TNFRSF6B: variants seen among roughly 807,000 people sequenced by gnomAD.
TNFRSF6B encodes the protein TNF receptor superfamily member 6b.
TNFRSF6B carries 23 observed loss-of-function variants against 17.9 expected under a neutral mutation model. The observed-to-expected ratio is 1.28, with a 90% confidence interval of 0.92 to 1.82. TNFRSF6B has a LOEUF of 1.82. TNFRSF6B is among the 40% of genes most tolerant of loss of function. The probability of loss-of-function intolerance (pLI) is 0.00; values close to 1 mark genes in which losing one functional copy is unlikely to be tolerated. For missense variants in TNFRSF6B, 555 were observed against 437.2 expected (o/e 1.27, Z -2.40); for synonymous variants, 291 against 195.8 (o/e 1.49, Z -4.06).
Position 63,697,376 on chromosome 20 carries a change from T to C in TNFRSF6B, c.473T>C (p.Phe158Ser). 1.2e-6 allele frequency: 2 copies of C among 1,612,114 alleles called. No homozygotes were observed. Among genetic ancestry groups the C allele is most frequent in the Non-Finnish European group, 1.7e-6 (2 of 1,179,718 alleles). Residue 158 changes from phenylalanine to serine, a missense_variant, in exon 2 of 3, where the codon TTC (phenylalanine) becomes TCC (serine). By Grantham distance (155) the Phe-to-Ser change is radical. Coordinates refer to ENST00000369996, the MANE Select transcript of TNFRSF6B (RefSeq NM_003823.4). ...TGCCAGCCGTGCCCCCCAGGCACCTTCTCAGCCAGCAGCTCCAGCTCAGAG... is the reference window on the plus strand; with the variant it reads ...TGCCAGCCGTGCCCCCCAGGCACCTCCTCAGCCAGCAGCTCCAGCTCAGAG... The part of the protein sequence containing the change: ...TQCQPCPPGT[F>S]SASSSSSEQC...
intron 2 of TNFRSF6B, among the ~76,000 whole-genome samples, 168 bp downstream of exon 2, chr20:63,697,690 G>C (rs1057233096): frequency 5.3e-5 from 8 of 152,140 alleles, no homozygotes; most frequent in African/African-American, 1.4e-4. Flanking sequence ...CACCAAGTCT[G>C]CCCTCTCAGG....
At chr20:63,697,212 G>A (rs2091001108) in intron 1 of TNFRSF6B, 21 bp downstream of exon 1, 2 of 1,551,826 alleles carry the variant, frequency 1.3e-6, no homozygotes, top group Non-Finnish European at 1.7e-6. Context: ...GGCGAGGGGA[G>A]GGGCCCCCAG....
chr20:63,697,117 C>G lies in TNFRSF6B; in HGVS notation c.350C>G (p.Thr117Ser). The change falls in exon 1 of 3, where the codon ACC becomes AGC. Residue 117 changes from threonine (T) to serine (S), a missense_variant. Transcript: ENST00000369996. ...CACAACCGTGCCTGCCGCTGCCGCACCGGCTTCTTCGCGCACGCTGGTTTC... is the reference window on the plus strand; with the variant it reads ...CACAACCGTGCCTGCCGCTGCCGCAGCGGCTTCTTCGCGCACGCTGGTTTC... ...ATHNRACRCRTGFFAHAGFCL... is the reference protein window; with the variant it reads ...ATHNRACRCRSGFFAHAGFCL... The G allele has an allele frequency of 6.3e-7, 1 of 1,598,090 alleles. No individual in the cohort carries two copies. The highest frequency in any genetic ancestry group is 8.5e-7 in the Non-Finnish European group (1 of 1,174,948).
In TNFRSF6B at chr20:63,696,889, CAG is replaced by C; in HGVS notation, c.126_127del (p.Glu42AspfsTer57). On this transcript the variant is annotated frameshift_variant, in exon 1 of 3. Transcript: ENST00000369996. LOFTEE classifies it high-confidence loss of function. Reference sequence around the variant, plus strand: ...ACACCCACCTACCCCTGGCGGGACGCAGAGACAGGGGAGCGGCTGGTGTGCGC... The same window carrying C: ...ACACCCACCTACCCCTGGCGGGACGCAGACAGGGGAGCGGCTGGTGTGCGC... 1 of 1,611,822 alleles carries C rather than the reference CAG, an allele frequency of 6.2e-7. No homozygotes were observed. Among genetic ancestry groups the C allele is most frequent in the East Asian group, 2.2e-5 (1 of 44,856 alleles).
Position 63,696,906 on chromosome 20 carries a change from C to G in TNFRSF6B, c.139C>G (p.Leu47Val). The G allele has an allele frequency of 1.2e-6, 2 of 1,611,022 alleles. No homozygotes were observed. The highest frequency in any genetic ancestry group is 1.7e-6 in the Non-Finnish European group (2 of 1,179,254). ...GCGGGACGCAGAGACAGGGGAGCGGCTGGTGTGCGCCCAGTGCCCCCCAGG... is the reference window on the plus strand; with the variant it reads ...GCGGGACGCAGAGACAGGGGAGCGGGTGGTGTGCGCCCAGTGCCCCCCAGG... ...PWRDAETGER[L>V]VCAQCPPGTF... is the part of the protein sequence containing the mutation. Residue 47 changes from leucine (L) to valine (V), a missense_variant, in exon 1 of 3, where the codon CTG becomes GTG. Leu to Val is a conservative substitution (Grantham distance 32, BLOSUM62 1). Coordinates refer to ENST00000369996, the MANE Select transcript of TNFRSF6B (RefSeq NM_003823.4).
At chr20:63,698,198 C>T in intron 2 of TNFRSF6B, 82 bp from the exon 3 acceptor site, 2 of 1,538,508 alleles carry the variant, frequency 1.3e-6, no homozygotes. Context: ...CCGAGTGGGG[C>T]CCAGAAAGCA....
rs1177269081 is a variant in TNFRSF6B at position 63,697,318 on chromosome 20, C to T, written c.425-10C>T. 1.2e-6 allele frequency: 2 copies of T among 1,605,636 alleles called. No individual in the cohort carries two copies. Among genetic ancestry groups the T allele is most frequent in the Admixed American group, 1.7e-5 (1 of 58,660 alleles). On this transcript the variant is annotated splice_polypyrimidine_tract_variant and intron_variant, in intron 1 of 2. Coordinates refer to ENST00000369996, the MANE Select transcript of TNFRSF6B (RefSeq NM_003823.4). The stretch of plus-strand genomic sequence containing the variant: ...GTTCCCCTGACCCTGTTCTTCCCTC[C>T]TGGCTGCAGGCACCCCCAGCCAGAA...
At position 63,698,419 on chromosome 20, in the gene TNFRSF6B, G is replaced by C. The variant is rs749673648; in HGVS notation, c.759G>C (p.Leu253Phe). 1 of 1,586,648 alleles carries C rather than the reference G, an allele frequency of 6.3e-7. No individual in the cohort carries two copies. Among genetic ancestry groups the C allele is most frequent in the South Asian group, 1.1e-5 (1 of 88,598 alleles). Residue 253 changes from leucine (L) to phenylalanine (F), a missense_variant, in exon 3 of 3, where the codon TTG becomes TTC. Coordinates refer to ENST00000369996, the MANE Select transcript of TNFRSF6B (RefSeq NM_003823.4). ...CACCAAGGGCGGGCCGCGCGGCCTTGCAGCTGAAGCTGCGTCGGCGGCTCA... is the reference window on the plus strand; with the variant it reads ...CACCAAGGGCGGGCCGCGCGGCCTTCCAGCTGAAGCTGCGTCGGCGGCTCA... ...GPTPRAGRAALQLKLRRRLTE... is the reference protein window; with the variant it reads ...GPTPRAGRAAFQLKLRRRLTE...
intron 2 of TNFRSF6B, among the ~76,000 whole-genome samples, chr20:63,697,761 T>C (rs531986329): frequency 6.6e-6 from 1 of 152,118 alleles, no homozygotes; most frequent in Non-Finnish European, 1.5e-5. Flanking sequence ...TCTGGGAAAG[T>C]GGGCAGCAAT....
In TNFRSF6B at chr20:63,698,567, T is replaced by C. The variant is rs1360304338; in HGVS notation, c.*4T>C. On this transcript the variant is annotated 3_prime_UTR_variant, in exon 3 of 3. Coordinates refer to ENST00000369996, the MANE Select transcript of TNFRSF6B (RefSeq NM_003823.4). Reference sequence around the variant, plus strand: ...GCGCTTCCTCCCTGTGCACTGATCCTGGCCCCCTCTTATTTATTCTACATC... The same window carrying C: ...GCGCTTCCTCCCTGTGCACTGATCCCGGCCCCCTCTTATTTATTCTACATC... 4 of 1,485,594 alleles carry C rather than the reference T, an allele frequency of 2.7e-6. No homozygotes were observed. The highest frequency in any genetic ancestry group is 2.6e-5 in the Admixed American group (1 of 37,826). The allele number at this position is 1,485,594 out of a possible 1,614,324, so 92.0% of individuals were successfully genotyped here.
Position 63,696,653 on chromosome 20 carries a change from G to A in TNFRSF6B, c.-115G>A, listed in dbSNP as rs2090986859. 1.6e-6 allele frequency: 2 copies of A among 1,215,984 alleles called. No individual in the cohort carries two copies. Among genetic ancestry groups the A allele is most frequent in the Non-Finnish European group, 2.2e-6 (2 of 899,616 alleles). The allele number at this position is 1,215,984 out of a possible 1,614,324, so 75.3% of individuals were successfully genotyped here. On this transcript the variant is annotated 5_prime_UTR_variant, in exon 1 of 3. Coordinates refer to ENST00000369996, the MANE Select transcript of TNFRSF6B (RefSeq NM_003823.4). The stretch of plus-strand genomic sequence containing the variant: ...AGGGCAGCAGCAGGATGGGCTTCTG[G>A]ACTTGGGCGGCCCCTCCGCAGGCGG...
Position 63,696,737 on chromosome 20 carries a change from G to T in TNFRSF6B, c.-31G>T. The T allele has an allele frequency of 6.6e-7, 1 of 1,524,208 alleles. No individual in the cohort carries two copies. The highest frequency in any genetic ancestry group is 8.8e-7 in the Non-Finnish European group (1 of 1,136,018). The allele number at this position is 1,524,208 out of a possible 1,614,324, so 94.4% of individuals were successfully genotyped here. ...CACAGCAGGGTCCTGTGTCCGCGCT[G>T]AGCCGCGCTCTCCCTGCTCCAGCAA... On this transcript the variant is annotated 5_prime_UTR_variant, in exon 1 of 3. The change abolishes the stop of an existing upstream ORF in the 5' untranslated region. Coordinates refer to ENST00000369996, the MANE Select transcript of TNFRSF6B (RefSeq NM_003823.4).
At position 63,697,075 on chromosome 20, in the gene TNFRSF6B, G is replaced by T. The variant is rs140998392; in HGVS notation, c.308G>T (p.Arg103Leu). ...TGCGGGGAGCGTGAGGAGGAGGCACGGGCTTGCCACGCCACCCACAACCGT... is the reference window on the plus strand; with the variant it reads ...TGCGGGGAGCGTGAGGAGGAGGCACTGGCTTGCCACGCCACCCACAACCGT... ...VLCGEREEEA[R>L]ACHATHNRAC... Residue 103 changes from arginine (R) to leucine (L), a missense_variant, in exon 1 of 3, where the codon CGG (arginine) becomes CTG (leucine). Coordinates refer to ENST00000369996, the MANE Select transcript of TNFRSF6B (RefSeq NM_003823.4). The T allele has an allele frequency of 1.6e-5, 25 of 1,605,530 alleles. No homozygotes were observed. The African/African-American group carries it at 2.8e-4, about 18-fold the overall frequency.
chr20:63,697,450 G>A lies in TNFRSF6B; in HGVS notation c.547G>A (p.Val183Met), dbSNP rs372805580. ...NCTALGLALN[V>M]PGSSSHDTLC... ...CACGGCCCTGGGCCTGGCCCTCAAT[G>A]TGCCAGGCTCTTCCTCCCATGACAC... Residue 183 changes from valine (V) to methionine (M), a missense_variant, in exon 2 of 3, where the codon GTG (valine) becomes ATG (methionine). Val to Met is a conservative substitution (Grantham distance 21). Transcript: ENST00000369996. 30 of 1,598,906 alleles carry A rather than the reference G, an allele frequency of 1.9e-5. No individual in the cohort carries two copies. The Middle Eastern group carries it at 8.3e-4, about 44-fold the overall frequency.
Position 63,697,540 on chromosome 20 carries a change from G to T in TNFRSF6B, c.619+18G>T, listed in dbSNP as rs1345433379. 3 of 1,533,456 alleles carry T rather than the reference G, an allele frequency of 2.0e-6. No individual in the cohort carries two copies. The highest frequency in any genetic ancestry group is 2.0e-5 in the Admixed American group (1 of 50,222). 95.0% of individuals were successfully genotyped at this position (1,533,456 alleles called of 1,614,324 possible). A position where few individuals can be genotyped will look rare whatever the true frequency, so the allele number is the denominator to read the frequency against. Reference sequence around the variant, plus strand: ...GGTACCAGGTGAGCCAGAGGCCTGAGGGGGCAGCACACTGCAGGCCAGGCC... The same window carrying T: ...GGTACCAGGTGAGCCAGAGGCCTGATGGGGCAGCACACTGCAGGCCAGGCC... On this transcript the variant is annotated intron_variant, in intron 2 of 2. Transcript: ENST00000369996.
rs988979243 is a variant in TNFRSF6B at position 63,697,484 on chromosome 20, C to T, written c.581C>T (p.Thr194Ile). 3.2e-6 allele frequency: 5 copies of T among 1,570,648 alleles called. No homozygotes were observed. The highest frequency in any genetic ancestry group is 2.4e-5 in the East Asian group (1 of 42,150). ...PGSSSHDTLC[T>I]SCTGFPLSTR... The stretch of plus-strand genomic sequence containing the variant: ...TCTTCCTCCCATGACACCCTGTGCA[C>T]CAGCTGCACTGGCTTCCCCCTCAGC... The change falls in exon 2 of 3, where the codon ACC becomes ATC. Residue 194 changes from threonine to isoleucine, a missense_variant. Thr to Ile is a moderately conservative substitution (Grantham distance 89). Coordinates refer to ENST00000369996, the MANE Select transcript of TNFRSF6B (RefSeq NM_003823.4).
Position 63,698,280 on chromosome 20 carries a change from G to A in TNFRSF6B, c.620G>A (p.Gly207Glu), listed in dbSNP as rs1218674258. ...CCGCTGCCTCCCCACCCCACTGCAG[G>A]AGCTGAGGAGTGTGAGCGTGCCGTC... ...TGFPLSTRVP[G>E]AEECERAVID... Residue 207 changes from glycine to glutamate, a missense_variant and splice_region_variant, in exon 3 of 3, where the codon GGA (glycine) becomes GAA (glutamate). Physicochemically the swap from Gly to Glu is moderately conservative, Grantham distance 98 (BLOSUM62 -2). Coordinates refer to ENST00000369996, the MANE Select transcript of TNFRSF6B (RefSeq NM_003823.4). 25 of 1,610,454 alleles carry A rather than the reference G, an allele frequency of 1.6e-5. No individual in the cohort carries two copies. Among genetic ancestry groups the A allele is most frequent in the African/African-American group, 4.0e-5 (3 of 74,552 alleles).
In TNFRSF6B at chr20:63,696,797, G is replaced by A. The variant is rs774148576; in HGVS notation, c.30G>A (p.Ser10=). 1.6e-5 allele frequency: 26 copies of A among 1,605,060 alleles called. No homozygotes were observed. Among genetic ancestry groups the A allele is most frequent in the Admixed American group, 1.5e-4 (9 of 59,450 alleles). ...GGGCGCTGGAGGGGCCAGGCCTGTC[G>A]CTGCTGTGCCTGGTGTTGGCGCTGC... is the stretch of plus-strand genomic sequence containing the variant. MRALEGPGL[S]LLCLVLALPA... is the part of the protein sequence containing the mutation. The change falls in exon 1 of 3, where the codon TCG becomes TCA. Residue 10 remains serine (S), a synonymous_variant. Coordinates refer to ENST00000369996, the MANE Select transcript of TNFRSF6B (RefSeq NM_003823.4).
At position 63,696,668 on chromosome 20, in the gene TNFRSF6B, T is replaced by C. The variant is rs2090987325; in HGVS notation, c.-100T>C. On this transcript the variant is annotated 5_prime_UTR_variant, in exon 1 of 3. Transcript: ENST00000369996. ...TGGGCTTCTGGACTTGGGCGGCCCC[T>C]CCGCAGGCGGACCGGGGGCAAAGGA... is the stretch of plus-strand genomic sequence containing the variant. 2 of 1,353,844 alleles carry C rather than the reference T, an allele frequency of 1.5e-6. No homozygotes were observed. Among genetic ancestry groups the C allele is most frequent in the Non-Finnish European group, 2.0e-6 (2 of 1,024,768 alleles). 83.9% of individuals were successfully genotyped at this position (1,353,844 alleles called of 1,614,324 possible).
Sources: gnomAD v4.1 joint callset for allele counts (sites outside exome capture counted in the v4.1 genomes callset) on GRCh38, gnomAD v4.1.1 for gene constraint, MANE v1.5 for transcripts, NCBI Gene and HGNC (gene_info 2026-07-23, HGNC 2026-07-21) for gene names.